The following DOCK3 variants were observed in gnomAD, a reference collection of about 807,000 sequenced individuals.
DOCK3 encodes the protein dedicator of cytokinesis protein 3.
In DOCK3, 60 loss-of-function variants were observed where a neutral mutation model predicts 265.6. That is an observed-to-expected ratio of 0.23 (90% CI 0.18 to 0.28). The LOEUF (loss-of-function observed/expected upper bound fraction) is 0.28. Ranked by LOEUF, DOCK3 falls within the 10% of genes least tolerant of loss-of-function variation. DOCK3 has a pLI of 1.00. For missense variants in DOCK3, 1,981 were observed against 2,594.3 expected, an observed-to-expected ratio of 0.76 and a Z score of 5.14; for synonymous variants, 881 against 938.0, an observed-to-expected ratio of 0.94 and a Z score of 1.11.
At chr3:51,059,861 G>C (rs2081349396) in intron 5 of DOCK3, among the ~76,000 whole-genome samples, 1 of 151,970 alleles carries the variant, frequency 6.6e-6, no homozygotes. Flanking sequence ...GGATCCATCT[G>C]TTCATGTCTA....
intron 4 of DOCK3, among the ~76,000 whole-genome samples, chr3:50,912,602 A>G (rs961607014): frequency 6.6e-6 from 1 of 152,090 alleles, no homozygotes; most frequent in Admixed American, 6.5e-5. Context: ...AAACTTTAGA[A>G]GTCTACTTGG....
intron 32 of DOCK3, among the ~76,000 whole-genome samples, chr3:51,321,884 A>T (rs2083753998): frequency 6.6e-6 from 1 of 152,236 alleles, no homozygotes; most frequent in Non-Finnish European, 1.5e-5. Context: ...GGGAGAATGG[A>T]ACCAAGTTGG....
intron 12 of DOCK3, among the ~76,000 whole-genome samples, chr3:51,198,065 A>T (rs1396536249): frequency 6.6e-6 from 1 of 152,208 alleles, no homozygotes; most frequent in Non-Finnish European, 1.5e-5. Context: ...CAGTCCCATT[A>T]GCGACAGCTC....
chr3:50,875,146 C>G (rs938060602), intron 3 of DOCK3, among the ~76,000 whole-genome samples: 2 of 152,058 alleles, frequency 1.3e-5, no homozygotes, highest in Non-Finnish European at 2.9e-5. Flanking sequence ...AGCAAACCAC[C>G]ATGGCACATG....
intron 13 of DOCK3, 90 bp from the exon 14 acceptor site, chr3:51,214,032 A>G: frequency 6.4e-7 from 1 of 1,567,744 alleles, no homozygotes; most frequent in East Asian, 2.3e-5. Context: ...AACTTTGCAC[A>G]TTTTCTTCTG....
rs1268880764 is a variant in DOCK3, at chr3:50,766,967, G to GT, written c.38-11699dup. ...TATCCTTTGCCCACTTTTGGATGGG[G>GT]TTTTTTTTTGTTGTAAATTTGTTTG... On this transcript the variant is annotated intron_variant, in intron 1 of 52. Coordinates refer to ENST00000266037, the MANE Select transcript of DOCK3 (RefSeq NM_004947.5). Among the ~76,000 whole-genome samples the GT allele has an allele frequency of 1.7e-4, 26 of 150,888 alleles. No homozygotes were observed. In the East Asian group the frequency reaches 2.3e-3, roughly 14 times the overall value.
chr3:51,115,416 A>G (rs6767329), intron 9 of DOCK3, among the ~76,000 whole-genome samples: 137,229 of 152,282 alleles, frequency 0.9, 62,028 homozygotes, highest in African/African-American at 0.95. Flanking sequence ...TTTTTTTCAT[A>G]TGCTTGTTGA....
At chr3:51,208,438 A>C (rs1046242789) in intron 12 of DOCK3, among the ~76,000 whole-genome samples, 1 of 152,212 alleles carries the variant, frequency 6.6e-6, no homozygotes, top group African/African-American at 2.4e-5. Flanking sequence ...CTCTATCAAG[A>C]ACTTTCCTCT....
At chr3:50,981,739 T>A (rs1227460500) in intron 5 of DOCK3, among the ~76,000 whole-genome samples, 2 of 152,246 alleles carry the variant, frequency 1.3e-5, no homozygotes, top group Non-Finnish European at 2.9e-5. Context: ...GACTTAAAGT[T>A]TGTTTGATAT....
At chr3:50,977,087 C>T (rs1222608889) in intron 5 of DOCK3, among the ~76,000 whole-genome samples, 2 of 150,370 alleles carry the variant, frequency 1.3e-5, no homozygotes, top group Non-Finnish European at 3.0e-5. Context: ...TGGGTCTTGA[C>T]TCTTTATCCA....
Position 51,355,759 on chromosome 3 carries a change from C to A in DOCK3, c.4250-330C>A, listed in dbSNP as rs187054850. On this transcript the variant is annotated intron_variant, in intron 41 of 52. Coordinates refer to ENST00000266037, the MANE Select transcript of DOCK3 (RefSeq NM_004947.5). ...GGGAAGCCCAGACCCTTGCAGCCTT[C>A]TTTCACTCCCATGGGGTGGATGCCT... Among the ~76,000 whole-genome samples the A allele has an allele frequency of 9.8e-5, 15 of 152,348 alleles. 1 individual carries two copies. The highest frequency in any genetic ancestry group is 6.2e-4 in the South Asian group (3 of 4,830).
intron 9 of DOCK3, among the ~76,000 whole-genome samples, chr3:51,134,288 AT>A (rs992496673): frequency 2.0e-5 from 3 of 152,134 alleles, no homozygotes; most frequent in African/African-American, 7.2e-5. Context: ...TCCTTTGGGT[AT>A]ACACCCAGCA....
chr3:50,953,425 T>C (rs559194696), intron 5 of DOCK3, among the ~76,000 whole-genome samples: 28 of 152,200 alleles, frequency 1.8e-4, no homozygotes, highest in African/African-American at 6.7e-4. Context: ...TAGAAGACTA[T>C]TGTGAATTGT....
chr3:51,039,751 G>A (rs2080405925), intron 5 of DOCK3, among the ~76,000 whole-genome samples: 1 of 151,830 alleles, frequency 6.6e-6, no homozygotes, highest in Non-Finnish European at 1.5e-5. Context: ...TCTACTCCCA[G>A]TCTATCATGT....
intron 1 of DOCK3, among the ~76,000 whole-genome samples, chr3:50,678,829 A>G (rs2034174154): frequency 6.7e-6 from 1 of 149,888 alleles, no homozygotes; most frequent in South Asian, 2.1e-4. Context: ...TCTTTTTTTG[A>G]GACGGAGTCT....
intron 27 of DOCK3, among the ~76,000 whole-genome samples, chr3:51,284,312 G>A (rs1378951596): frequency 6.6e-6 from 1 of 152,062 alleles, no homozygotes; most frequent in Non-Finnish European, 1.5e-5. Flanking sequence ...CAGGATCAGT[G>A]CAGAAAAGTG....
At chr3:50,884,364 T>A (rs184977083) in intron 3 of DOCK3, among the ~76,000 whole-genome samples, 1 of 152,224 alleles carries the variant, frequency 6.6e-6, no homozygotes. Context: ...GTGCTGAGAT[T>A]ACAGGCATGA....
chr3:50,854,111 TTTTGA>T (rs1439305932), intron 3 of DOCK3, among the ~76,000 whole-genome samples: 1 of 152,170 alleles, frequency 6.6e-6, no homozygotes, highest in African/African-American at 2.4e-5. Context: ...CTGTGTCTTC[TTTTGA>T]GACGTGTCTA....
chr3:51,137,041 TAA>T (rs74912724), intron 9 of DOCK3, among the ~76,000 whole-genome samples: 5 of 148,426 alleles, frequency 3.4e-5, no homozygotes, highest in East Asian at 2.0e-4. Flanking sequence ...ATAAATTAAT[TAA>T]AAAAAAAACA....
Sources: allele counts gnomAD v4.1 joint callset (sites outside exome capture counted in the v4.1 genomes callset), GRCh38; gene constraint gnomAD v4.1.1; transcripts MANE v1.5; gene names NCBI Gene and HGNC (gene_info 2026-07-23, HGNC 2026-07-21).